CRTAC1: variants seen among roughly 807,000 people sequenced by gnomAD.
The protein encoded by CRTAC1 is cartilage acidic protein 1.
In CRTAC1, 37 loss-of-function variants were observed where a neutral mutation model predicts 67.8. The observed-to-expected ratio is 0.55, with a 90% CI of 0.42 to 0.72. The LOEUF (loss-of-function observed/expected upper bound fraction) is 0.72, where lower values mean the gene tolerates loss of function less well. CRTAC1 is among the 30% of genes least tolerant of loss of function. CRTAC1 has a pLI of 0.00. For synonymous variants in CRTAC1, 348 were observed against 371.0 expected (o/e 0.94, Z 0.71); for missense variants, 780 against 931.6 (o/e 0.84, Z 2.12).
intron 2 of CRTAC1, among the ~76,000 whole-genome samples, chr10:97,969,974 T>G (rs2051681555): frequency 6.6e-6 from 1 of 152,164 alleles, no homozygotes; most frequent in Non-Finnish European, 1.5e-5. Flanking sequence ...AACTGCCTAC[T>G]CAACATTGCT....
intron 8 of CRTAC1, among the ~76,000 whole-genome samples, chr10:97,898,621 A>C (rs1377380299): frequency 1.3e-5 from 2 of 152,148 alleles, no homozygotes; most frequent in Non-Finnish European, 2.9e-5. Flanking sequence ...CTTCATCCAA[A>C]GGCAATGGGG....
At chr10:97,995,136 G>A (rs1457779893) in intron 2 of CRTAC1, among the ~76,000 whole-genome samples, 1 of 152,192 alleles carries the variant, frequency 6.6e-6, no homozygotes, top group Non-Finnish European at 1.5e-5. Context: ...TCTTTGCTTG[G>A]CATAGCCAAA....
intron 3 of CRTAC1, among the ~76,000 whole-genome samples, chr10:97,929,230 G>A (rs561198416): frequency 2.0e-5 from 3 of 152,276 alleles, no homozygotes; most frequent in Admixed American, 6.5e-5. Context: ...AGGCATGACT[G>A]CTTACAGAAT....
chr10:97,960,082 G>A (rs1204395473), intron 2 of CRTAC1, among the ~76,000 whole-genome samples: 1 of 152,238 alleles, frequency 6.6e-6, no homozygotes, highest in Non-Finnish European at 1.5e-5. Flanking sequence ...AAACAGTTTA[G>A]GTACAGTGAG....
chr10:97,997,244 T>C (rs1222243278), intron 2 of CRTAC1, among the ~76,000 whole-genome samples: 1 of 138,762 alleles, frequency 7.2e-6, no homozygotes, highest in Non-Finnish European at 1.5e-5. Flanking sequence ...ATAATAATAA[T>C]AATAATAATA....
Position 97,995,259 on chromosome 10 carries a change from TG to T in CRTAC1, c.224+15878del, listed in dbSNP as rs1359503937. Among the ~76,000 whole-genome samples the T allele has an allele frequency of 2.0e-5, 3 of 152,204 alleles. No homozygotes were observed. The South Asian group carries it at 6.2e-4, about 32-fold the overall frequency. On this transcript the variant is annotated intron_variant, in intron 2 of 14. Transcript: ENST00000370597. ...GTCTGGCCTGGCTTTTCTTGGTGCA[TG>T]GGGCTTCCTGCACATACATGCTTCT...
intron 6 of CRTAC1, among the ~76,000 whole-genome samples, chr10:97,906,622 A>G (rs2136572772): frequency 6.6e-6 from 1 of 152,292 alleles, no homozygotes; most frequent in South Asian, 2.1e-4. Flanking sequence ...ATGATTTTTC[A>G]GCAATGAGAA....
In CRTAC1 at chr10:97,942,467, T is replaced by C. The variant is rs187271853; in HGVS notation, c.225-6101A>G. Among the ~76,000 whole-genome samples, 47 of 152,292 alleles carry C rather than the reference T, an allele frequency of 3.1e-4. No individual in the cohort carries two copies. The East Asian group carries it at 7.9e-3, about 26-fold the overall frequency. On this transcript the variant is annotated intron_variant, in intron 2 of 14. Transcript: ENST00000370597. ...AAGAGCTTTCAGCACCAAGAATTGG[T>C]GTCCTGGGTGAGGAGGAGAGAAAAC...
chr10:98,022,787 G>A (rs897863069), intron 1 of CRTAC1, among the ~76,000 whole-genome samples: 2 of 152,074 alleles, frequency 1.3e-5, no homozygotes, highest in South Asian at 4.1e-4. Flanking sequence ...TTTTGAAAGG[G>A]CATTTTAGAC....
Position 98,029,834 on chromosome 10 carries a change from C to A in CRTAC1, c.24+615G>T, listed in dbSNP as rs1042049002. On this transcript the variant is annotated intron_variant, in intron 1 of 14. Transcript: ENST00000370597. The surrounding 1 kb of genome is among the most constrained non-coding windows in gnomAD (Gnocchi z 4.7). Reference sequence around the variant, plus strand: ...ATGCCTGAAGCCGGCTTGCCTCAGGCAGCCTGAAGGGAAGACCACACCTCG... The same window carrying A: ...ATGCCTGAAGCCGGCTTGCCTCAGGAAGCCTGAAGGGAAGACCACACCTCG... Among the ~76,000 whole-genome samples, 6 of 152,206 alleles carry A rather than the reference C, an allele frequency of 3.9e-5. No homozygotes were observed. The highest frequency in any genetic ancestry group is 1.4e-4 in the African/African-American group (6 of 41,462).
At chr10:97,914,045 A>C (rs760595722) in intron 5 of CRTAC1, among the ~76,000 whole-genome samples, 1 of 152,206 alleles carries the variant, frequency 6.6e-6, no homozygotes, top group Non-Finnish European at 1.5e-5. Flanking sequence ...GGCTTCTTTA[A>C]TCACCACCTT....
intron 3 of CRTAC1, among the ~76,000 whole-genome samples, chr10:97,933,574 G>T (rs1244216763): frequency 1.3e-5 from 2 of 152,248 alleles, no homozygotes; most frequent in African/African-American, 2.4e-5. Flanking sequence ...TGCCTTCAAG[G>T]AGCTTAGAGT....
intron 2 of CRTAC1, among the ~76,000 whole-genome samples, chr10:97,981,525 C>A (rs2051891348): frequency 2.0e-5 from 3 of 152,170 alleles, no homozygotes; most frequent in Non-Finnish European, 4.4e-5. Context: ...ATTTACTTAA[C>A]CATTTTGTTA....
chr10:97,879,738 C>T (rs987210576), intron 14 of CRTAC1: 48 of 1,549,754 alleles, frequency 3.1e-5, no homozygotes, highest in South Asian at 6.0e-5. Context: ...ATATGAGGCC[C>T]GAGAGAGAGG....
intron 2 of CRTAC1, among the ~76,000 whole-genome samples, chr10:97,991,296 T>G (rs193150314): frequency 4.6e-5 from 7 of 151,426 alleles, no homozygotes; most frequent in African/African-American, 1.7e-4. Context: ...ACCTGTAGTG[T>G]CAGCTACTTG....
At chr10:97,984,629 C>T (rs554298083) in intron 2 of CRTAC1, among the ~76,000 whole-genome samples, 2 of 152,254 alleles carry the variant, frequency 1.3e-5, no homozygotes, top group South Asian at 2.1e-4. Context: ...AAACAAGGCT[C>T]CCAAGGTCAT....
chr10:97,958,656 G>T (rs922399179), intron 2 of CRTAC1, among the ~76,000 whole-genome samples: 2 of 152,084 alleles, frequency 1.3e-5, no homozygotes, highest in Admixed American at 1.3e-4. Flanking sequence ...AGGGGTTTTG[G>T]AGCACACCCT....
intron 4 of CRTAC1, among the ~76,000 whole-genome samples, 153 bp from the exon 5 acceptor site, chr10:97,917,809 C>T (rs3750607): frequency 0.069 from 10,445 of 152,104 alleles, 436 homozygotes; most frequent in African/African-American, 0.11. Context: ...CTGTGCATGG[C>T]GCATTTCCAG....
rs758311658 is a variant in CRTAC1 at position 97,908,101 on chromosome 10, C to T, written c.762G>A (p.Ser254=). 17 of 1,614,134 alleles carry T rather than the reference C, an allele frequency of 1.1e-5. No homozygotes were observed. Among genetic ancestry groups the T allele is most frequent in the Admixed American group, 6.7e-5 (4 of 60,020 alleles). Residue 254 remains serine, a synonymous_variant, in exon 6 of 15, where the codon TCG becomes TCA. Transcript: ENST00000370597. ...CATTCTCATTGTCGCAGAAGATATCCGAGGCACTGCTGCTGAGGATGGGGC... is the reference window on the plus strand; with the variant it reads ...CATTCTCATTGTCGCAGAAGATATCTGAGGCACTGCTGCTGAGGATGGGGC... ...SVGPILSSSA[S]DIFCDNENGP...
Sources: allele counts gnomAD v4.1 joint callset (sites outside exome capture counted in the v4.1 genomes callset), GRCh38; gene constraint gnomAD v4.1.1; non-coding constraint Gnocchi (gnomAD v3.1); transcripts MANE v1.5; gene names NCBI Gene and HGNC (gene_info 2026-07-23, HGNC 2026-07-21).